TBC1D14: variants seen among roughly 807,000 people sequenced by gnomAD.
TBC1D14 encodes the protein TBC1 domain family, member 14.
A neutral mutation model predicts 79.0 loss-of-function variants in TBC1D14; 26 were observed. The ratio of observed to expected loss-of-function variants is 0.33; its 90% CI spans 0.24 to 0.46. The LOEUF is 0.46. Ranked by LOEUF, TBC1D14 falls within the 20% of genes least tolerant of loss-of-function variation. TBC1D14 has a pLI of 1.00. For missense variants in TBC1D14, 769 were observed against 887.6 expected, an observed-to-expected ratio of 0.87 and a Z score of 1.70; for synonymous variants, 394 against 349.9, an observed-to-expected ratio of 1.13 and a Z score of -1.40.
rs143676552 is a variant in TBC1D14 at position 6,919,240 on chromosome 4, G to A, written c.-17-4133G>A. On this transcript the variant is annotated intron_variant, in intron 1 of 13. Coordinates refer to ENST00000409757, the MANE Select transcript of TBC1D14 (RefSeq NM_020773.3). ...CAGCTCACTGCAACCTCCACCTCCC[G>A]GGTTCAAGCTATTCTCCTGCCTCAG... is the stretch of plus-strand genomic sequence containing the variant. Among the ~76,000 whole-genome samples, 1,438 of 152,042 alleles carry A rather than the reference G, an allele frequency of 9.5e-3. 15 individuals are homozygous for A. The highest frequency in any genetic ancestry group is 0.044 in the Middle Eastern group (13 of 294).
chr4:6,936,879 G>A (rs1712383774), intron 2 of TBC1D14, among the ~76,000 whole-genome samples: 1 of 151,960 alleles, frequency 6.6e-6, no homozygotes, highest in African/African-American at 2.4e-5. Context: ...TCGAGGATGG[G>A]TGTCTTAGTC....
intron 2 of TBC1D14, among the ~76,000 whole-genome samples, chr4:6,935,678 G>A (rs1425264869): frequency 1.3e-5 from 2 of 149,824 alleles, no homozygotes; most frequent in East Asian, 2.0e-4. Context: ...GAGTCTCACT[G>A]TATTGCCCAG....
intron 1 of TBC1D14, among the ~76,000 whole-genome samples, chr4:6,912,140 C>G (rs945757366): frequency 2.6e-5 from 4 of 152,076 alleles, no homozygotes; most frequent in Non-Finnish European, 5.9e-5. Flanking sequence ...CCTGTAAACC[C>G]AGCACTTTGG....
intron 3 of TBC1D14, chr4:6,987,355 T>A: frequency 7.0e-7 from 1 of 1,422,742 alleles, no homozygotes; most frequent in Non-Finnish European, 9.2e-7. Context: ...TCATGGTGAG[T>A]CGGGGTGCGG....
intron 2 of TBC1D14, among the ~76,000 whole-genome samples, chr4:6,962,241 G>A (rs932461256): frequency 2.0e-5 from 3 of 152,158 alleles, no homozygotes; most frequent in African/African-American, 7.2e-5. Context: ...ACAGCTATGC[G>A]CTGGCATGTG....
chr4:6,987,529 C>CT, intron 3 of TBC1D14: 2 of 487,084 alleles, frequency 4.1e-6, no homozygotes, highest in Non-Finnish European at 6.6e-6. Context: ...ACAGCCGAAG[C>CT]TTGCTGTGCA....
chr4:6,958,493 C>A (rs1202082838), intron 2 of TBC1D14, among the ~76,000 whole-genome samples: 1 of 152,166 alleles, frequency 6.6e-6, no homozygotes, highest in African/African-American at 2.4e-5. Flanking sequence ...TGCAGGGGCT[C>A]ACTCAGCTTG....
intron 3 of TBC1D14, among the ~76,000 whole-genome samples, chr4:6,990,917 C>T (rs903134278): frequency 6.6e-6 from 1 of 152,158 alleles, no homozygotes; most frequent in African/African-American, 2.4e-5. Flanking sequence ...CTGTTTCTTC[C>T]CTCCGGGATC....
intron 2 of TBC1D14, 129 bp from the exon 3 acceptor site, chr4:6,967,175 C>A: frequency 8.1e-7 from 1 of 1,228,682 alleles, no homozygotes; most frequent in Non-Finnish European, 1.1e-6. Flanking sequence ...GTATGAAAAT[C>A]AAGTCTGAAG....
chr4:7,000,503 C>G (rs576290858), intron 6 of TBC1D14, among the ~76,000 whole-genome samples: 1 of 152,376 alleles, frequency 6.6e-6, no homozygotes, highest in African/African-American at 2.4e-5. Flanking sequence ...AGCCTCAAGC[C>G]TGTGCTCCCC....
chr4:7,006,808 T>A, intron 9 of TBC1D14, 82 bp downstream of exon 9: 1 of 1,382,980 alleles, frequency 7.2e-7, no homozygotes. Flanking sequence ...TGTTGTCAAG[T>A]TTGAAAGGTA....
At chr4:6,987,640 G>T in intron 3 of TBC1D14, 1 of 368,416 alleles carries the variant, frequency 2.7e-6, no homozygotes, top group Non-Finnish European at 4.8e-6. Context: ...CAGCGTGAGC[G>T]AGCACGTCCT....
chr4:6,949,902 A>T (rs1359107137), intron 2 of TBC1D14, among the ~76,000 whole-genome samples: 3 of 151,646 alleles, frequency 2.0e-5, no homozygotes, highest in Admixed American at 2.0e-4. Context: ...GAATTTTTTT[A>T]TTTTTTATTT....
At chr4:6,926,013 C>T (rs1560249269) in intron 2 of TBC1D14, among the ~76,000 whole-genome samples, 3 of 152,304 alleles carry the variant, frequency 2.0e-5, no homozygotes, top group East Asian at 3.9e-4. Flanking sequence ...GGAATTCAAC[C>T]GACCTGTGCC....
At position 7,009,826 on chromosome 4, in the gene TBC1D14, G is replaced by A. The variant is rs754070591; in HGVS notation, c.1447-51G>A. The A allele has an allele frequency of 3.2e-6, 5 of 1,579,994 alleles. No individual in the cohort carries two copies. The African/African-American group carries it at 4.0e-5, about 13-fold the overall frequency. ...GTAGTAGTATCAGATGTTCGTCTGA[G>A]CACTAACAGTACTCATGCATGTGTT... is the stretch of plus-strand genomic sequence containing the variant. On this transcript the variant is annotated intron_variant, in intron 9 of 13. Transcript: ENST00000409757.
chr4:6,934,309 G>A (rs775682844), intron 2 of TBC1D14, among the ~76,000 whole-genome samples: 7 of 152,042 alleles, frequency 4.6e-5, no homozygotes, highest in Non-Finnish European at 1.0e-4. Flanking sequence ...CACGAGTGTG[G>A]GGTCTGGAAG....
chr4:7,016,306 G>A (rs1721273628), intron 12 of TBC1D14, among the ~76,000 whole-genome samples: 1 of 152,218 alleles, frequency 6.6e-6, no homozygotes, highest in African/African-American at 2.4e-5. Context: ...ATACTGGGTA[G>A]AAGTGTTTAG....
intron 2 of TBC1D14, among the ~76,000 whole-genome samples, chr4:6,958,849 C>T (rs151289626): frequency 9.9e-4 from 150 of 152,056 alleles, no homozygotes; most frequent in Non-Finnish European, 1.7e-3. Flanking sequence ...ACCCCTGTCT[C>T]ATTGGCCAGT....
intron 12 of TBC1D14, among the ~76,000 whole-genome samples, chr4:7,022,946 G>T (rs1227217559): frequency 6.6e-6 from 1 of 152,062 alleles, no homozygotes; most frequent in Non-Finnish European, 1.5e-5. Context: ...ATATGTATGG[G>T]TATAAACTAT....
Sources: gnomAD v4.1 joint callset for allele counts (sites outside exome capture counted in the v4.1 genomes callset) on GRCh38, gnomAD v4.1.1 for gene constraint, MANE v1.5 for transcripts, NCBI Gene and HGNC (gene_info 2026-07-23, HGNC 2026-07-21) for gene names.